The following CACNG3 variants were observed in gnomAD, a reference collection of about 807,000 sequenced individuals.
CACNG3 encodes voltage-dependent calcium channel gamma-3 subunit.
Under a neutral mutation model 28.5 loss-of-function variants are expected in CACNG3, and 3 were observed. The ratio of observed to expected loss-of-function variants is 0.11; its 90% CI spans 0.05 to 0.27. The LOEUF (loss-of-function observed/expected upper bound fraction) is 0.27. Ranked by LOEUF, CACNG3 falls within the 10% of genes least tolerant of loss-of-function variation. The probability of loss-of-function intolerance (pLI) is 1.00; values close to 1 mark genes in which losing one functional copy is unlikely to be tolerated. For missense variants in CACNG3, 236 were observed against 414.4 expected (o/e 0.57, Z 3.74); for synonymous variants, 174 against 162.2 (o/e 1.07, Z -0.55).
chr16:24,324,518 G>T (rs1380983159), intron 1 of CACNG3, among the ~76,000 whole-genome samples: 1 of 152,050 alleles, frequency 6.6e-6, no homozygotes, highest in Non-Finnish European at 1.5e-5. Context: ...GTAGCCAAAG[G>T]CAACAGCTTC....
intron 1 of CACNG3, among the ~76,000 whole-genome samples, chr16:24,298,877 G>T (rs1437119027): frequency 4.6e-5 from 7 of 152,156 alleles, no homozygotes; most frequent in African/African-American, 1.4e-4. Context: ...TTTTGCTCAT[G>T]ATTACATGAA....
chr16:24,292,908 G>C (rs899998101), intron 1 of CACNG3, among the ~76,000 whole-genome samples: 1 of 152,222 alleles, frequency 6.6e-6, no homozygotes, highest in African/African-American at 2.4e-5. Context: ...CAGAGAGGAT[G>C]TGATGTGAAC....
intron 1 of CACNG3, among the ~76,000 whole-genome samples, chr16:24,331,894 G>T (rs1349583676): frequency 4.6e-5 from 7 of 152,180 alleles, no homozygotes; most frequent in Non-Finnish European, 8.8e-5. Context: ...TGACTGCTCA[G>T]ATAGGCCCTT....
chr16:24,302,213 G>A (rs921512908), intron 1 of CACNG3, among the ~76,000 whole-genome samples: 2 of 152,146 alleles, frequency 1.3e-5, no homozygotes, highest in African/African-American at 4.8e-5. Context: ...CCTGAGTAAC[G>A]TTTTGAAAAC....
intron 2 of CACNG3, among the ~76,000 whole-genome samples, chr16:24,347,055 C>T (rs1359038287): frequency 6.6e-6 from 1 of 152,160 alleles, no homozygotes; most frequent in Non-Finnish European, 1.5e-5. Context: ...ATGGTTCATG[C>T]CTGTAATCCC....
intron 1 of CACNG3, among the ~76,000 whole-genome samples, chr16:24,298,148 T>C (rs1316936993): frequency 6.6e-6 from 1 of 152,186 alleles, no homozygotes; most frequent in Non-Finnish European, 1.5e-5. Flanking sequence ...ATAAACCCCT[T>C]CAAGTAAGTA....
At chr16:24,299,940 A>G (rs775901324) in intron 1 of CACNG3, among the ~76,000 whole-genome samples, 15 of 146,732 alleles carry the variant, frequency 1.0e-4, no homozygotes, top group Non-Finnish European at 1.7e-4. Context: ...ATGCACACGC[A>G]CACACACACA....
intron 3 of CACNG3, among the ~76,000 whole-genome samples, chr16:24,360,767 C>T (rs1029050484): frequency 6.6e-6 from 1 of 152,192 alleles, no homozygotes; most frequent in Non-Finnish European, 1.5e-5. Flanking sequence ...TTCTCAATGC[C>T]TTCTCTCACA....
At chr16:24,302,182 A>T (rs1217557805) in intron 1 of CACNG3, among the ~76,000 whole-genome samples, 1 of 152,194 alleles carries the variant, frequency 6.6e-6, no homozygotes, top group East Asian at 1.9e-4. Flanking sequence ...GTCTGCCTCC[A>T]ATCCATGTTC....
At chr16:24,297,895 G>C (rs1027902683) in intron 1 of CACNG3, among the ~76,000 whole-genome samples, 3 of 152,036 alleles carry the variant, frequency 2.0e-5, no homozygotes, top group Non-Finnish European at 4.4e-5. Flanking sequence ...GGAAAGACTG[G>C]ATCATACCCC....
intron 2 of CACNG3, among the ~76,000 whole-genome samples, chr16:24,348,435 T>C (rs923897963): frequency 3.3e-5 from 5 of 152,058 alleles, no homozygotes; most frequent in Non-Finnish European, 7.4e-5. Flanking sequence ...GTGTGGAGGA[T>C]AGTGTCAGAT....
chr16:24,272,753 C>T (rs1375081555), intron 1 of CACNG3, among the ~76,000 whole-genome samples: 2 of 151,976 alleles, frequency 1.3e-5, no homozygotes, highest in Non-Finnish European at 2.9e-5. Context: ...AATAAGGCAT[C>T]CTGGAGATCT....
chr16:24,286,909 C>T (rs1596628348), intron 1 of CACNG3, among the ~76,000 whole-genome samples: 1 of 152,202 alleles, frequency 6.6e-6, no homozygotes, highest in Admixed American at 6.5e-5. Flanking sequence ...GGCAGAGCCA[C>T]ACCTTGCCTC....
intron 3 of CACNG3, among the ~76,000 whole-genome samples, chr16:24,358,143 A>G (rs1410683419): frequency 6.6e-6 from 1 of 152,244 alleles, no homozygotes; most frequent in Non-Finnish European, 1.5e-5. Flanking sequence ...GAGGCAAGCA[A>G]TTAACAACCC....
chr16:24,338,055 G>C (rs575889806), intron 1 of CACNG3, among the ~76,000 whole-genome samples: 1 of 151,996 alleles, frequency 6.6e-6, no homozygotes, highest in Admixed American at 6.6e-5. Flanking sequence ...GCAGCTGATG[G>C]ACCCAGTGAA....
At chr16:24,266,972 T>C (rs994982085) in intron 1 of CACNG3, among the ~76,000 whole-genome samples, 3 of 150,482 alleles carry the variant, frequency 2.0e-5, no homozygotes, top group Non-Finnish European at 4.4e-5. Flanking sequence ...TAATTTCTTT[T>C]TTTTTTTTTT....
Position 24,256,735 on chromosome 16 carries a change from C to G in CACNG3, c.-20C>G. 6.4e-7 allele frequency: 1 copy of G among 1,566,840 alleles called. No individual in the cohort carries two copies. Among genetic ancestry groups the G allele is most frequent in the Non-Finnish European group, 8.8e-7 (1 of 1,137,296 alleles). On this transcript the variant is annotated 5_prime_UTR_variant, in exon 1 of 4. Transcript: ENST00000005284. This position sits in a 1 kb window ranked among gnomAD's most constrained non-coding sequence, Gnocchi z 4.6. Reference sequence around the variant, plus strand: ...CTCTCCCCCTCCAACCCCCAGCCGTCCAGAGTACCATGAAGAATTATGAGG... The same window carrying G: ...CTCTCCCCCTCCAACCCCCAGCCGTGCAGAGTACCATGAAGAATTATGAGG...
chr16:24,273,599 C>T (rs1898716520), intron 1 of CACNG3, among the ~76,000 whole-genome samples: 2 of 152,170 alleles, frequency 1.3e-5, no homozygotes, highest in Admixed American at 1.3e-4. Flanking sequence ...AGTTTGAAAA[C>T]CGATGAACCT....
chr16:24,275,670 A>G (rs1898743876), intron 1 of CACNG3, among the ~76,000 whole-genome samples: 1 of 152,244 alleles, frequency 6.6e-6, no homozygotes, highest in Non-Finnish European at 1.5e-5. Flanking sequence ...ACTTCAAAGA[A>G]AGCAACTGAC....
Sources: gnomAD v4.1 joint callset for allele counts (sites outside exome capture counted in the v4.1 genomes callset) on GRCh38, gnomAD v4.1.1 for gene constraint, Gnocchi (gnomAD v3.1) non-coding constraint, MANE v1.5 for transcripts, NCBI Gene and HGNC (gene_info 2026-07-23, HGNC 2026-07-21) for gene names.